Variants in SRGAP3 observed in about 807,000 individuals in gnomAD.
The protein encoded by SRGAP3 is SLIT-ROBO Rho GTPase activating protein 3, also known as SLIT-ROBO Rho GTPase-activating protein 3.
A neutral mutation model predicts 121.1 loss-of-function variants in SRGAP3; 39 were observed. The ratio of observed to expected loss-of-function variants is 0.32; its 90% CI spans 0.25 to 0.42. The LOEUF (loss-of-function observed/expected upper bound fraction) is 0.42. Ranked by LOEUF, SRGAP3 falls within the 10% of genes least tolerant of loss-of-function variation. The probability of loss-of-function intolerance (pLI) is 1.00; values close to 1 mark genes in which losing one functional copy is unlikely to be tolerated. For synonymous variants in SRGAP3, 601 were observed against 570.0 expected, an observed-to-expected ratio of 1.05 and a Z score of -0.77; for missense variants, 1,213 against 1,470.6, an observed-to-expected ratio of 0.82 and a Z score of 2.86.
rs114429698 is a variant in SRGAP3, at chr3:9,132,221, G to A, written c.68-7304C>T. Among the ~76,000 whole-genome samples, 611 of 152,152 alleles carry A rather than the reference G, an allele frequency of 4.0e-3. 4 individuals are homozygous for A. The highest frequency in any genetic ancestry group is 0.013 in the African/African-American group (541 of 41,480). Reference sequence around the variant, plus strand: ...GATTATTAACATCTTGCATTCCATCGTGCATTTATTGCAATTGAAGAGCCA... The same window carrying A: ...GATTATTAACATCTTGCATTCCATCATGCATTTATTGCAATTGAAGAGCCA... On this transcript the variant is annotated intron_variant, in intron 1 of 21. Transcript: ENST00000383836.
intron 10 of SRGAP3, among the ~76,000 whole-genome samples, chr3:9,043,428 C>A (rs1945113210): frequency 6.6e-6 from 1 of 152,178 alleles, no homozygotes; most frequent in Non-Finnish European, 1.5e-5. Flanking sequence ...CCTGGCCAAA[C>A]AAAATGCCTG....
intron 1 of SRGAP3, among the ~76,000 whole-genome samples, chr3:9,244,193 T>A (rs1953745689): frequency 6.6e-6 from 1 of 152,364 alleles, no homozygotes; most frequent in Middle Eastern, 3.4e-3. Context: ...GGGATTTTTT[T>A]ATTTCTTTCT....
At chr3:9,196,673 A>G (rs897135923) in intron 1 of SRGAP3, among the ~76,000 whole-genome samples, 2 of 152,214 alleles carry the variant, frequency 1.3e-5, no homozygotes, top group African/African-American at 4.8e-5. Flanking sequence ...CTCCAAAACA[A>G]TTTGTACAGA....
intron 3 of SRGAP3, among the ~76,000 whole-genome samples, chr3:9,082,368 C>G (rs1947285490): frequency 6.6e-6 from 1 of 152,204 alleles, no homozygotes; most frequent in Non-Finnish European, 1.5e-5. Flanking sequence ...CTTAAAGAGA[C>G]CCAAGACAGC....
chr3:9,086,200 A>G (rs530149538), intron 3 of SRGAP3, among the ~76,000 whole-genome samples: 1 of 152,348 alleles, frequency 6.6e-6, no homozygotes, highest in African/African-American at 2.4e-5. Context: ...CTGCAATGCA[A>G]CAGAGTCTGC....
rs367975032 is a variant in SRGAP3 at position 9,177,793 on chromosome 3, T to C, written c.68-52876A>G. On this transcript the variant is annotated intron_variant, in intron 1 of 21. Transcript: ENST00000383836. ...TGGGTTCTGTGGAATTAACTTTAAC[T>C]CCTACTCTAGGGAAGACCATGTGAC... 2.0e-5 allele frequency among the ~76,000 whole-genome samples: 3 copies of C among 152,254 alleles called. No homozygotes were observed. In the East Asian group the frequency reaches 5.8e-4, roughly 29 times the overall value.
In SRGAP3 at chr3:9,234,790, G is replaced by A. The variant is rs535698964; in HGVS notation, c.67+14095C>T. On this transcript the variant is annotated intron_variant, in intron 1 of 21. Transcript: ENST00000383836. ...CACAATGGCCAGGAAATCCAGCAGA[G>A]AGCAACAAGGAGGAAAGGAAAGGTA... is the stretch of plus-strand genomic sequence containing the variant. 3.9e-5 allele frequency among the ~76,000 whole-genome samples: 6 copies of A among 152,296 alleles called. No homozygotes were observed. The East Asian group carries it at 7.7e-4, about 20-fold the overall frequency.
At chr3:9,205,271 T>C (rs1275606490) in intron 1 of SRGAP3, among the ~76,000 whole-genome samples, 1 of 152,254 alleles carries the variant, frequency 6.6e-6, no homozygotes, top group Admixed American at 6.5e-5. Flanking sequence ...CAAAATAGTA[T>C]TACTTTAACG....
intron 3 of SRGAP3, among the ~76,000 whole-genome samples, chr3:9,261,041 G>A (rs1274212071): frequency 6.6e-6 from 1 of 152,182 alleles, no homozygotes; most frequent in African/African-American, 2.4e-5. Flanking sequence ...AGTCTCCACT[G>A]GTGATACCCA....
At chr3:9,197,196 T>A (rs529099860) in intron 1 of SRGAP3, among the ~76,000 whole-genome samples, 22 of 152,374 alleles carry the variant, frequency 1.4e-4, no homozygotes, top group African/African-American at 5.3e-4. Context: ...GAATTCATCA[T>A]TCTGCTAACA....
At chr3:9,127,623 A>G (rs1280378964) in intron 1 of SRGAP3, among the ~76,000 whole-genome samples, 2 of 152,040 alleles carry the variant, frequency 1.3e-5, no homozygotes, top group African/African-American at 2.4e-5. Flanking sequence ...AGTTTTTTGT[A>G]TTTTTAGTAG....
intron 1 of SRGAP3, among the ~76,000 whole-genome samples, chr3:9,170,045 A>C (rs1950919946): frequency 1.3e-5 from 2 of 152,190 alleles, no homozygotes; most frequent in African/African-American, 4.8e-5. Context: ...GACATTTGTT[A>C]AGAGGACAAA....
chr3:9,147,584 T>G (rs1950069248), intron 1 of SRGAP3, among the ~76,000 whole-genome samples: 1 of 152,074 alleles, frequency 6.6e-6, no homozygotes. Context: ...TCAAAATCCC[T>G]GATTCTGGGC....
chr3:9,153,033 C>T (rs1170401203), intron 1 of SRGAP3, among the ~76,000 whole-genome samples: 1 of 152,154 alleles, frequency 6.6e-6, no homozygotes, highest in Non-Finnish European at 1.5e-5. Context: ...GTAAATGCCC[C>T]ACATGCTCAT....
intron 3 of SRGAP3, among the ~76,000 whole-genome samples, chr3:9,276,654 T>A (rs974522051): frequency 1.3e-5 from 2 of 152,172 alleles, no homozygotes; most frequent in African/African-American, 2.4e-5. Context: ...CTTGAACTCC[T>A]GACTTTGTGA....
intron 2 of SRGAP3, among the ~76,000 whole-genome samples, chr3:9,107,286 G>T (rs1350358494): frequency 1.3e-5 from 2 of 152,208 alleles, no homozygotes; most frequent in African/African-American, 2.4e-5. Context: ...CCTTGGAGGG[G>T]CTCACTGCTG....
At chr3:9,307,957 C>G (rs954874030) in intron 3 of SRGAP3, among the ~76,000 whole-genome samples, 66 of 152,348 alleles carry the variant, frequency 4.3e-4, no homozygotes, top group African/African-American at 1.5e-3. Flanking sequence ...GAGTTCGAGA[C>G]AAGCCTGGCC....
intron 1 of SRGAP3, among the ~76,000 whole-genome samples, chr3:9,353,805 G>T (rs2030334868): frequency 6.6e-6 from 1 of 152,162 alleles, no homozygotes; most frequent in Non-Finnish European, 1.5e-5. Context: ...TTTTCTTGGG[G>T]GAGATGGAAT....
chr3:9,349,210 A>T (rs2029928242), intron 1 of SRGAP3: 1 of 672,578 alleles, frequency 1.5e-6, no homozygotes, highest in Admixed American at 1.9e-5. Flanking sequence ...CGGGCAGGCT[A>T]CTGTCCCCAG....
Sources: allele counts gnomAD v4.1 joint callset (sites outside exome capture counted in the v4.1 genomes callset), GRCh38; gene constraint gnomAD v4.1.1; transcripts MANE v1.5; gene names NCBI Gene and HGNC (gene_info 2026-07-23, HGNC 2026-07-21).